The following EYA3 variants were observed in gnomAD, a reference collection of about 807,000 sequenced individuals.
EYA3 encodes protein phosphatase EYA3.
In EYA3, 39 loss-of-function variants were observed where a neutral mutation model predicts 80.0. That is an observed-to-expected ratio of 0.49 (90% confidence interval 0.38 to 0.64). EYA3 has a LOEUF of 0.64. EYA3 is among the 30% of genes least tolerant of loss of function. The probability of loss-of-function intolerance (pLI) is 0.00; values close to 1 mark genes in which losing one functional copy is unlikely to be tolerated. For missense variants in EYA3, 523 were observed against 676.1 expected (o/e 0.77, Z 2.51); for synonymous variants, 206 against 232.8 (o/e 0.88, Z 1.05).
At chr1:28,011,634 C>T (rs1329075534) in intron 9 of EYA3, among the ~76,000 whole-genome samples, 7 of 152,088 alleles carry the variant, frequency 4.6e-5, no homozygotes, top group African/African-American at 1.4e-4. Flanking sequence ...TGTTAAACCA[C>T]CTTATGAGGA....
intron 1 of EYA3, among the ~76,000 whole-genome samples, chr1:28,062,657 G>GGTGTGTGTGTGTGT (rs71027260): frequency 0.034 from 4,796 of 141,568 alleles, 97 homozygotes; most frequent in Middle Eastern, 0.07. Flanking sequence ...AATATATGTA[G>GGTGTGTGTGTGTGT]GTGTGTGTGT....
At chr1:28,034,534 T>C (rs1157679520) in intron 6 of EYA3, among the ~76,000 whole-genome samples, 1 of 152,162 alleles carries the variant, frequency 6.6e-6, no homozygotes, top group Non-Finnish European at 1.5e-5. Flanking sequence ...TTGTTTCCCA[T>C]TTCATATGAA....
rs1309590194 is a variant in EYA3 at position 27,972,082 on chromosome 1, G to A, written c.*2384C>T. 2.6e-5 allele frequency: 4 copies of A among 152,356 alleles called. No individual in the cohort carries two copies. The highest frequency in any genetic ancestry group is 6.5e-5 in the Admixed American group (1 of 15,302). 9.4% of individuals were successfully genotyped at this position (152,356 alleles called of 1,614,324 possible). Reference sequence around the variant, plus strand: ...TAAAATAAAGAGCTCCCAAAAGGGTGGAGAGGGAAGTATCTGTGTGTGTGT... The same window carrying A: ...TAAAATAAAGAGCTCCCAAAAGGGTAGAGAGGGAAGTATCTGTGTGTGTGT... On this transcript the variant is annotated 3_prime_UTR_variant, in exon 18 of 18. Coordinates refer to ENST00000373871, the MANE Select transcript of EYA3 (RefSeq NM_001990.4).
intron 2 of EYA3, among the ~76,000 whole-genome samples, chr1:28,056,264 A>G (rs1644433234): frequency 6.6e-6 from 1 of 152,196 alleles, no homozygotes; most frequent in African/African-American, 2.4e-5. Flanking sequence ...CCAGAAAACC[A>G]GGGATAGTCC....
intron 16 of EYA3, among the ~76,000 whole-genome samples, chr1:27,978,920 C>T (rs1639126805): frequency 1.3e-5 from 2 of 152,218 alleles, no homozygotes; most frequent in South Asian, 4.1e-4. Context: ...CGAGATCATG[C>T]CATCGCACTC....
intron 7 of EYA3, among the ~76,000 whole-genome samples, chr1:28,026,238 G>A (rs2148824098): frequency 6.6e-6 from 1 of 152,304 alleles, no homozygotes; most frequent in East Asian, 1.9e-4. Flanking sequence ...TCACAACCTA[G>A]GTGTAAGTTA....
chr1:28,088,226 G>A (rs191144892), intron 1 of EYA3, among the ~76,000 whole-genome samples: 2 of 152,276 alleles, frequency 1.3e-5, no homozygotes, highest in East Asian at 3.9e-4. Flanking sequence ...AAAAAGGAGA[G>A]GCAGTGGCTG....
At position 28,035,532 on chromosome 1, in the gene EYA3, A is replaced by T; in HGVS notation, c.361+12T>A. The T allele has an allele frequency of 3.1e-6, 5 of 1,611,292 alleles. No individual in the cohort carries two copies. Among genetic ancestry groups the T allele is most frequent in the Non-Finnish European group, 3.4e-6 (4 of 1,179,172 alleles). On this transcript the variant is annotated intron_variant, in intron 6 of 17. Transcript: ENST00000373871. ...AACATTCTTAGAAATTGTTTACAAT[A>T]CAGTGCCTTACCAAAAGGAGGTAGT...
chr1:27,991,585 TGAG>T lies in EYA3; in HGVS notation c.1304-1777_1304-1775del, dbSNP rs538350700. On this transcript the variant is annotated intron_variant, in intron 14 of 17. Transcript: ENST00000373871. ...TCCATAAAAGCAGATGGCATTTTTG[TGAG>T]GAGGAGAACTGGAGTATAATTTGTT... 1.0e-3 allele frequency among the ~76,000 whole-genome samples: 157 copies of T among 152,316 alleles called. 3 individuals carry two copies. In the South Asian group the frequency reaches 0.03, roughly 29 times the overall value.
At chr1:28,000,348 T>C (rs1640741282) in intron 11 of EYA3, among the ~76,000 whole-genome samples, 1 of 152,148 alleles carries the variant, frequency 6.6e-6, no homozygotes, top group South Asian at 2.1e-4. Context: ...AGTCTCACTC[T>C]GTCGCCCAGG....
chr1:28,063,330 T>TTGGGGG (rs1644707965), intron 1 of EYA3, among the ~76,000 whole-genome samples: 1 of 146,722 alleles, frequency 6.8e-6, no homozygotes, highest in African/African-American at 2.5e-5. Flanking sequence ...TAATTTTTTT[T>TTGGGGG]GGGGGGGGAA....
chr1:28,075,791 T>G (rs1262569322), intron 1 of EYA3, among the ~76,000 whole-genome samples: 2 of 152,216 alleles, frequency 1.3e-5, no homozygotes, highest in South Asian at 4.1e-4. Context: ...ACATATACTT[T>G]TCGCTGTGAT....
chr1:28,085,217 G>C (rs566127773), intron 1 of EYA3, among the ~76,000 whole-genome samples: 34 of 152,076 alleles, frequency 2.2e-4, no homozygotes, highest in Non-Finnish European at 4.3e-4. Flanking sequence ...TTGAGAGCCC[G>C]AGGCAGGCAG....
intron 1 of EYA3, among the ~76,000 whole-genome samples, chr1:28,064,431 CAA>C (rs35425305): frequency 2.4e-5 from 3 of 127,580 alleles, no homozygotes; most frequent in Non-Finnish European, 3.3e-5. Flanking sequence ...GACTCTGCCT[CAA>C]AAAAAAAAAA....
chr1:28,041,518 A>T (rs568304664), intron 4 of EYA3, among the ~76,000 whole-genome samples: 1 of 152,084 alleles, frequency 6.6e-6, no homozygotes, highest in Non-Finnish European at 1.5e-5. Context: ...GTGCCACTGC[A>T]CTCCAACCTG....
At chr1:27,978,335 T>C in intron 17 of EYA3, 39 bp downstream of exon 17, 4 of 1,452,400 alleles carry the variant, frequency 2.8e-6, no homozygotes, top group Non-Finnish European at 3.9e-6. Context: ...CATTACTCGA[T>C]GTACAACCAC....
intron 1 of EYA3, among the ~76,000 whole-genome samples, chr1:28,061,051 G>C (rs1162560120): frequency 1.3e-5 from 2 of 151,924 alleles, no homozygotes; most frequent in Non-Finnish European, 2.9e-5. Context: ...AACCAGGCTT[G>C]CTATCTCAAA....
intron 3 of EYA3, 87 bp from the exon 4 acceptor site, chr1:28,042,737 G>C: frequency 2.0e-6 from 2 of 1,019,584 alleles, no homozygotes; most frequent in Non-Finnish European, 3.1e-6. Context: ...TTCCTCCTAG[G>C]CTATATAAGT....
intron 16 of EYA3, among the ~76,000 whole-genome samples, chr1:27,982,856 C>T (rs763755132): frequency 1.1e-4 from 17 of 152,160 alleles, no homozygotes; most frequent in Admixed American, 2.0e-4. Flanking sequence ...TGAGCCACCG[C>T]GCTTGGCCTA....
Sources: gnomAD v4.1 joint callset for allele counts (sites outside exome capture counted in the v4.1 genomes callset) on GRCh38, gnomAD v4.1.1 for gene constraint, MANE v1.5 for transcripts, NCBI Gene and HGNC (gene_info 2026-07-23, HGNC 2026-07-21) for gene names.